The following ERAP1 variants were observed in gnomAD, a reference collection of about 807,000 sequenced individuals.
ERAP1 encodes the protein endoplasmic reticulum aminopeptidase 1.
A neutral mutation model predicts 103.7 loss-of-function variants in ERAP1; 86 were observed. That is an observed-to-expected ratio of 0.83 (90% CI 0.70 to 0.99). The LOEUF (loss-of-function observed/expected upper bound fraction) is 0.99, where lower values mean the gene tolerates loss of function less well. Ranked by LOEUF, ERAP1 falls within the 50% of genes least tolerant of loss-of-function variation. The pLI is 0.00. For missense variants in ERAP1, 1,009 were observed against 1,128.4 expected (o/e 0.89, Z 1.52); for synonymous variants, 398 against 402.4 (o/e 0.99, Z 0.13).
chr5:96,821,397 CCACATTCCT>C, the ERAP1 span, among the ~76,000 whole-genome samples: 3 of 152,312 alleles, frequency 2.0e-5, no homozygotes, highest in African/African-American at 7.2e-5. Flanking sequence ...AAAGAAACTG[CCACATTCCT>C]CACATTCCTC....
intron 3 of ERAP1, 148 bp downstream of exon 3, chr5:96,800,714 A>G: frequency 2.3e-6 from 2 of 873,306 alleles, no homozygotes; most frequent in South Asian, 1.5e-5. Context: ...CTTGAAACAA[A>G]AGCATAGGTT....
the ERAP1 span, among the ~76,000 whole-genome samples, chr5:96,888,227 A>G: frequency 6.6e-6 from 1 of 152,248 alleles, no homozygotes; most frequent in South Asian, 2.1e-4. Context: ...ATGAATATGT[A>G]GATATATGAG....
At chr5:96,818,834 T>G in the ERAP1 span, among the ~76,000 whole-genome samples, 5 of 152,184 alleles carry the variant, frequency 3.3e-5, no homozygotes, top group African/African-American at 7.2e-5. Context: ...AAGTGACATT[T>G]CTTTGCTTTC....
chr5:96,762,452 C>A, exon 20 of ERAP1: 2 of 982,140 alleles, frequency 2.0e-6, no homozygotes, highest in Non-Finnish European at 1.5e-6. Flanking sequence ...CTGTTTAAAG[C>A]AAATGAAAAT....
rs1454203620 is a variant in ERAP1 at position 96,803,494 on chromosome 5, ACGGGAGCCCGACAAGGAGGGGCT to A, written c.410_432del (p.Glu137ValfsTer39). The A allele has an allele frequency of 3.1e-6, 5 of 1,613,434 alleles. No individual in the cohort carries two copies. In the African/African-American group the frequency reaches 6.7e-5, roughly 22 times the overall value. The stretch of plus-strand genomic sequence containing the variant: ...CCAGCATAGTGAATGACAACTGTGT[ACGGGAGCCCGACAAGGAGGGGCT>A]CGGGAGCCAGCAGTGCAATTTGCTC... On this transcript the variant is annotated frameshift_variant, in exon 2 of 19. Transcript: ENST00000443439. LOFTEE classifies it high-confidence loss of function.
chr5:96,773,730 T>C (rs1222990154), downstream of ERAP1: 1 of 152,316 alleles, frequency 6.6e-6, no homozygotes, highest in Non-Finnish European at 1.5e-5. Flanking sequence ...TGCACTGATA[T>C]CATCGATTAG....
chr5:96,762,798 C>T (rs1162603635), exon 20 of ERAP1: 1 of 249,584 alleles, frequency 4.0e-6, no homozygotes, highest in African/African-American at 2.2e-5. Context: ...CATGTTTGAG[C>T]TTTTACAAAC....
chr5:96,866,170 C>T, the ERAP1 span, among the ~76,000 whole-genome samples: 11 of 152,116 alleles, frequency 7.2e-5, no homozygotes, highest in Non-Finnish European at 1.5e-4. Context: ...AGTGTTATGC[C>T]TTATTCTCTC....
At chr5:96,889,829 CAT>C in the ERAP1 span, among the ~76,000 whole-genome samples, 3 of 88,150 alleles carry the variant, frequency 3.4e-5, no homozygotes, top group East Asian at 3.3e-4. Flanking sequence ...TTAAAAAATA[CAT>C]ACACACACAC....
chr5:96,790,384 A>T lies in ERAP1; in HGVS notation c.1453-17T>A, dbSNP rs1340686588. 6.2e-7 allele frequency: 1 copy of T among 1,613,326 alleles called. No homozygotes were observed. The highest frequency in any genetic ancestry group is 1.1e-5 in the South Asian group (1 of 91,078). On this transcript the variant is annotated splice_polypyrimidine_tract_variant and intron_variant, in intron 9 of 18. Transcript: ENST00000443439. ...AGGGCAAATCTAAAAACCAAAAATA[A>T]ACACATCACTCTTATTTCTATAGAA...
At chr5:96,907,672 A>G in the ERAP1 span, among the ~76,000 whole-genome samples, 2 of 151,946 alleles carry the variant, frequency 1.3e-5, no homozygotes, top group South Asian at 4.1e-4. Flanking sequence ...ACCTGAGGTC[A>G]GGAGTTCAAG....
the ERAP1 span, among the ~76,000 whole-genome samples, chr5:96,821,320 G>C: frequency 6.6e-6 from 1 of 152,210 alleles, no homozygotes; most frequent in Non-Finnish European, 1.5e-5. Flanking sequence ...CCATAGCTTA[G>C]CCAAGATGAC....
the ERAP1 span, among the ~76,000 whole-genome samples, chr5:96,883,580 T>C: frequency 1.3e-5 from 2 of 152,184 alleles, no homozygotes; most frequent in Non-Finnish European, 1.5e-5. Context: ...TAATTAGCAT[T>C]CCCAAAACAG....
chr5:96,883,287 C>T, the ERAP1 span, among the ~76,000 whole-genome samples: 1 of 152,296 alleles, frequency 6.6e-6, no homozygotes, highest in East Asian at 1.9e-4. Context: ...TTCCCTCACT[C>T]CCTTACCTGT....
chr5:96,865,732 AATT>A, the ERAP1 span, among the ~76,000 whole-genome samples: 1 of 152,238 alleles, frequency 6.6e-6, no homozygotes, highest in Non-Finnish European at 1.5e-5. Flanking sequence ...TCTAACATTT[AATT>A]CTACTACCAC....
chr5:96,934,961 A>C, the ERAP1 span: 1 of 152,150 alleles, frequency 6.6e-6, no homozygotes, highest in South Asian at 2.1e-4. Flanking sequence ...GCGGTTCCCG[A>C]CGAGCCTCCT....
chr5:96,777,369 G>A (rs900440010), intron 18 of ERAP1, among the ~76,000 whole-genome samples: 1 of 152,148 alleles, frequency 6.6e-6, no homozygotes, highest in Non-Finnish European at 1.5e-5. Context: ...TGTAGACCAT[G>A]ATGTATTATT....
the ERAP1 span, among the ~76,000 whole-genome samples, chr5:96,932,494 G>A: frequency 1.3e-5 from 2 of 151,958 alleles, no homozygotes; most frequent in African/African-American, 2.4e-5. Flanking sequence ...TATTCTTTTC[G>A]TGGATTTTTG....
chr5:96,895,193 TTAA>T, the ERAP1 span: 1 of 1,118,154 alleles, frequency 8.9e-7, no homozygotes, highest in Non-Finnish European at 1.3e-6. Context: ...TTTGCTAAAG[TTAA>T]TAATTTTTAT....
Sources: allele counts gnomAD v4.1 joint callset (sites outside exome capture counted in the v4.1 genomes callset), GRCh38; gene constraint gnomAD v4.1.1; transcripts MANE v1.5; gene names NCBI Gene and HGNC (gene_info 2026-07-23, HGNC 2026-07-21).